DTNB: variants seen among roughly 807,000 people sequenced by gnomAD.
The protein encoded by DTNB is dystrobrevin beta.
Under a neutral mutation model 90.7 loss-of-function variants are expected in DTNB, and 63 were observed. The ratio of observed to expected loss-of-function variants is 0.69; its 90% CI spans 0.57 to 0.86. The LOEUF (loss-of-function observed/expected upper bound fraction) is 0.86, where lower values mean the gene tolerates loss of function less well. Among genes scored for constraint, DTNB ranks in the 40% least tolerant of loss-of-function variants. DTNB has a pLI of 0.00. For missense variants in DTNB, 744 were observed against 807.1 expected (o/e 0.92, Z 0.95); for synonymous variants, 277 against 286.7 (o/e 0.97, Z 0.34).
Position 25,425,826 on chromosome 2 carries a change from G to A in DTNB, c.1554+1709C>T, listed in dbSNP as rs990354505. 5.5e-4 allele frequency among the ~76,000 whole-genome samples: 83 copies of A among 152,166 alleles called. 3 individuals carry two copies. The highest frequency in any genetic ancestry group is 8.8e-5 in the Non-Finnish European group (6 of 68,040). On this transcript the variant is annotated intron_variant, in intron 15 of 20. Transcript: ENST00000406818. ...TGTAACCAGGTAGATATTTCTGTTC[G>A]ATGCCAATAAAATTGTCCAGGGGGA...
At chr2:25,539,539 C>T (rs910668108) in intron 8 of DTNB, among the ~76,000 whole-genome samples, 1 of 148,448 alleles carries the variant, frequency 6.7e-6, no homozygotes, top group Non-Finnish European at 1.5e-5. Flanking sequence ...CTGTGAAATG[C>T]CTGTTCCTGT....
At chr2:25,388,561 G>A (rs2040189321) in intron 16 of DTNB, 200 bp from the exon 17 acceptor site, 2 of 636,828 alleles carry the variant, frequency 3.1e-6, no homozygotes, top group East Asian at 3.1e-5. Flanking sequence ...GGGGCGTGCA[G>A]GGCAGAGAGA....
At chr2:25,662,112 T>C (rs573081407) in intron 1 of DTNB, among the ~76,000 whole-genome samples, 1 of 151,520 alleles carries the variant, frequency 6.6e-6, no homozygotes, top group East Asian at 1.9e-4. Flanking sequence ...GCTGAGATTG[T>C]GTCACTGCAC....
At chr2:25,550,424 A>AC (rs1225830477) in intron 8 of DTNB, among the ~76,000 whole-genome samples, 1 of 152,048 alleles carries the variant, frequency 6.6e-6, no homozygotes, top group African/African-American at 2.4e-5. Context: ...AAACAAACAA[A>AC]AAAAAACACG....
chr2:25,595,416 T>C (rs1410771125), intron 6 of DTNB, among the ~76,000 whole-genome samples: 2 of 152,224 alleles, frequency 1.3e-5, no homozygotes, highest in Admixed American at 6.5e-5. Flanking sequence ...TTTACAGAAC[T>C]TTCTAGGTAA....
chr2:25,632,493 A>T (rs1428816877), intron 3 of DTNB, among the ~76,000 whole-genome samples: 4 of 152,192 alleles, frequency 2.6e-5, no homozygotes, highest in Admixed American at 2.0e-4. Flanking sequence ...GGTGGGCTTT[A>T]AGAGGTCATT....
At chr2:25,534,713 G>A (rs1406982071) in intron 8 of DTNB, among the ~76,000 whole-genome samples, 1 of 147,342 alleles carries the variant, frequency 6.8e-6, no homozygotes, top group South Asian at 2.2e-4. Flanking sequence ...TGGCGGGTGG[G>A]CAGAGGCGTT....
intron 11 of DTNB, among the ~76,000 whole-genome samples, chr2:25,453,590 T>C (rs911206472): frequency 3.3e-5 from 5 of 152,228 alleles, no homozygotes; most frequent in African/African-American, 1.2e-4. Flanking sequence ...AATTACTAGG[T>C]AACAGTCTCT....
At chr2:25,535,174 T>C (rs1308422796) in intron 8 of DTNB, among the ~76,000 whole-genome samples, 2 of 118,214 alleles carry the variant, frequency 1.7e-5, no homozygotes, top group African/African-American at 3.4e-5. Context: ...ACTCCTCACT[T>C]CCTCCCAGAC....
chr2:25,409,564 A>G (rs2046096634), intron 16 of DTNB, among the ~76,000 whole-genome samples: 1 of 152,162 alleles, frequency 6.6e-6, no homozygotes, highest in South Asian at 2.1e-4. Context: ...GGTGCTGAGG[A>G]GGTTGGACAG....
intron 8 of DTNB, among the ~76,000 whole-genome samples, chr2:25,557,485 C>T (rs1237386568): frequency 6.6e-6 from 1 of 152,206 alleles, no homozygotes; most frequent in Non-Finnish European, 1.5e-5. Flanking sequence ...TACAGACACA[C>T]TAAAAGCAGC....
chr2:25,491,872 G>A (rs1039049701), intron 9 of DTNB, among the ~76,000 whole-genome samples: 1 of 151,420 alleles, frequency 6.6e-6, no homozygotes, highest in Non-Finnish European at 1.5e-5. Flanking sequence ...AGCCAATGAA[G>A]TAGATACCAT....
intron 3 of DTNB, among the ~76,000 whole-genome samples, chr2:25,636,606 A>C (rs776708866): frequency 6.6e-6 from 1 of 152,156 alleles, no homozygotes; most frequent in African/African-American, 2.4e-5. Context: ...AAACACATAC[A>C]TATATCTAGA....
intron 11 of DTNB, among the ~76,000 whole-genome samples, chr2:25,452,564 A>T (rs1574648561): frequency 6.6e-6 from 1 of 152,308 alleles, no homozygotes; most frequent in Middle Eastern, 3.4e-3. Flanking sequence ...GGTTTCCAAA[A>T]ACCCTTGATC....
chr2:25,392,546 T>C (rs191236800), intron 16 of DTNB, among the ~76,000 whole-genome samples: 88 of 152,214 alleles, frequency 5.8e-4, no homozygotes, highest in Admixed American at 1.7e-3. Context: ...TAAGCTCAAA[T>C]AGAAACGAAA....
At chr2:25,415,772 T>G (rs1403493787) in intron 16 of DTNB, among the ~76,000 whole-genome samples, 1 of 152,158 alleles carries the variant, frequency 6.6e-6, no homozygotes, top group African/African-American at 2.4e-5. Flanking sequence ...CATGTCTATA[T>G]GCCAGGAGGT....
intron 9 of DTNB, among the ~76,000 whole-genome samples, chr2:25,493,497 T>G (rs2068051365): frequency 6.6e-6 from 1 of 152,156 alleles, no homozygotes; most frequent in Non-Finnish European, 1.5e-5. Flanking sequence ...GTCTCCCATC[T>G]CTCTCCATCA....
intron 12 of DTNB, 77 bp downstream of exon 12, chr2:25,451,471 T>G (rs1462610409): frequency 7.0e-7 from 1 of 1,424,846 alleles, no homozygotes; most frequent in African/African-American, 1.4e-5. Context: ...AAATTTCATG[T>G]CTACTATTCC....
chr2:25,496,554 T>A (rs967133932), intron 9 of DTNB, among the ~76,000 whole-genome samples: 3 of 151,986 alleles, frequency 2.0e-5, no homozygotes, highest in African/African-American at 7.2e-5. Flanking sequence ...CAAGAAGAGA[T>A]ATAGTGGGGC....
Sources: allele counts gnomAD v4.1 joint callset (sites outside exome capture counted in the v4.1 genomes callset), GRCh38; gene constraint gnomAD v4.1.1; transcripts MANE v1.5; gene names NCBI Gene and HGNC (gene_info 2026-07-23, HGNC 2026-07-21).